ARHGAP32: variants seen among roughly 807,000 people sequenced by gnomAD.
ARHGAP32 encodes the protein rho GTPase-activating protein 32.
A neutral mutation model predicts 186.5 loss-of-function variants in ARHGAP32; 51 were observed. The observed-to-expected ratio is 0.27, with a 90% confidence interval of 0.22 to 0.35. ARHGAP32 has a LOEUF of 0.35. ARHGAP32 is among the 10% of genes least tolerant of loss of function. ARHGAP32 has a pLI of 1.00. For missense variants in ARHGAP32, 2,186 were observed against 2,623.5 expected (o/e 0.83, Z 3.64); for synonymous variants, 950 against 964.3 (o/e 0.99, Z 0.27).
intron 15 of ARHGAP32, among the ~76,000 whole-genome samples, chr11:128,983,482 C>T (rs1179710001): frequency 2.9e-4 from 38 of 130,408 alleles, no homozygotes; most frequent in African/African-American, 9.6e-4. Context: ...CATCACACAC[C>T]GGGGCCTGTT....
At chr11:129,062,380 C>T in intron 9 of ARHGAP32, 23 bp from the exon 10 acceptor site, 1 of 1,598,490 alleles carries the variant, frequency 6.3e-7, no homozygotes, top group Non-Finnish European at 8.6e-7. Flanking sequence ...AAATTTTAAG[C>T]AAAATGGTTT....
chr11:129,175,118 C>A (rs1943885827), intron 1 of ARHGAP32, among the ~76,000 whole-genome samples: 2 of 113,980 alleles, frequency 1.8e-5, no homozygotes, highest in Admixed American at 1.8e-4. Flanking sequence ...GAGCTGAAAA[C>A]CAAGGCTCGA....
At chr11:129,057,292 G>A (rs757376318) in intron 10 of ARHGAP32, among the ~76,000 whole-genome samples, 3 of 152,100 alleles carry the variant, frequency 2.0e-5, no homozygotes, top group Non-Finnish European at 4.4e-5. Context: ...CCCAAGGAGA[G>A]TACTGAGGTC....
intron 11 of ARHGAP32, among the ~76,000 whole-genome samples, chr11:129,027,195 A>T (rs575663470): frequency 6.6e-6 from 1 of 152,134 alleles, no homozygotes; most frequent in Non-Finnish European, 1.5e-5. Flanking sequence ...CCAGAAGCAG[A>T]TCACTTCTCA....
chr11:129,000,554 T>G (rs1380895995), intron 11 of ARHGAP32, among the ~76,000 whole-genome samples: 2 of 152,196 alleles, frequency 1.3e-5, no homozygotes, highest in Non-Finnish European at 2.9e-5. Flanking sequence ...GCATGCAATG[T>G]GTAATAATCA....
At chr11:129,244,021 A>C (rs950307641) in intron 1 of ARHGAP32, among the ~76,000 whole-genome samples, 1 of 152,228 alleles carries the variant, frequency 6.6e-6, no homozygotes, top group African/African-American at 2.4e-5. Context: ...ACCTAATATA[A>C]TGCCTGGCAC....
intron 11 of ARHGAP32, chr11:129,023,963 G>T: frequency 1.0e-6 from 1 of 985,370 alleles, no homozygotes; most frequent in Non-Finnish European, 1.2e-6. Flanking sequence ...TTCCGTACAA[G>T]AGTGTAGAAA....
At chr11:129,198,313 G>A (rs6590365) in intron 1 of ARHGAP32, among the ~76,000 whole-genome samples, 40,543 of 152,082 alleles carry the variant, frequency 0.27, 5,894 homozygotes, top group Middle Eastern at 0.4. Flanking sequence ...AACAAGCTCA[G>A]ACTCAAATAT....
chr11:129,150,791 A>G (rs1943270382), intron 2 of ARHGAP32, among the ~76,000 whole-genome samples: 1 of 152,210 alleles, frequency 6.6e-6, no homozygotes, highest in Admixed American at 6.5e-5. Context: ...CACAGGGCCC[A>G]TAAGACAATA....
chr11:129,234,075 C>T (rs1944893796), intron 1 of ARHGAP32, among the ~76,000 whole-genome samples: 1 of 151,898 alleles, frequency 6.6e-6, no homozygotes, highest in African/African-American at 2.4e-5. Context: ...ATGTTCCTTG[C>T]CGTACTTTCC....
At chr11:129,081,768 G>C (rs116932114) in intron 6 of ARHGAP32, among the ~76,000 whole-genome samples, 112 of 151,716 alleles carry the variant, frequency 7.4e-4, no homozygotes, top group Middle Eastern at 3.4e-3. Context: ...AGACAAGAGA[G>C]TGAAATAAAG....
chr11:129,150,933 T>TA (rs1177863265), intron 2 of ARHGAP32, among the ~76,000 whole-genome samples: 18,302 of 139,260 alleles, frequency 0.13, 1,231 homozygotes, highest in Non-Finnish European at 0.15. Flanking sequence ...CAGAATGAAT[T>TA]AAAAAAAAAA....
intron 5 of ARHGAP32, among the ~76,000 whole-genome samples, chr11:129,094,275 C>A (rs1204062611): frequency 6.6e-6 from 1 of 152,068 alleles, no homozygotes. Context: ...AGGATGGATA[C>A]CCCATTTTCC....
intron 11 of ARHGAP32, among the ~76,000 whole-genome samples, chr11:129,021,457 G>A (rs138267742): frequency 1.6e-4 from 24 of 152,148 alleles, no homozygotes; most frequent in African/African-American, 5.8e-4. Context: ...CTATGCTGCT[G>A]CCCTTCCTAG....
At chr11:129,114,351 C>A (rs1273504950) in intron 5 of ARHGAP32, among the ~76,000 whole-genome samples, 3 of 152,118 alleles carry the variant, frequency 2.0e-5, no homozygotes, top group Non-Finnish European at 4.4e-5. Context: ...TGCCACAGGA[C>A]ATAATCTCTC....
chr11:129,100,456 C>T (rs1337013296), intron 5 of ARHGAP32, among the ~76,000 whole-genome samples: 1 of 152,146 alleles, frequency 6.6e-6, no homozygotes, highest in Non-Finnish European at 1.5e-5. Context: ...TATGACCATG[C>T]ATCAGCCCAG....
chr11:129,127,657 A>C (rs1204244151), intron 2 of ARHGAP32, among the ~76,000 whole-genome samples: 2 of 151,784 alleles, frequency 1.3e-5, no homozygotes, highest in African/African-American at 4.9e-5. Flanking sequence ...AATTATCTTA[A>C]ATTTCTATTG....
chr11:129,087,066 T>C (rs965198697), intron 6 of ARHGAP32, among the ~76,000 whole-genome samples: 1 of 152,200 alleles, frequency 6.6e-6, no homozygotes, highest in Non-Finnish European at 1.5e-5. Context: ...CATATTAGAA[T>C]GGCCAAAATC....
chr11:129,244,019 T>C (rs1945054111), intron 1 of ARHGAP32, among the ~76,000 whole-genome samples: 2 of 152,210 alleles, frequency 1.3e-5, no homozygotes. Context: ...ATACCTAATA[T>C]AATGCCTGGC....
Sources: gnomAD v4.1 joint callset for allele counts (sites outside exome capture counted in the v4.1 genomes callset) on GRCh38, gnomAD v4.1.1 for gene constraint, MANE v1.5 for transcripts, NCBI Gene and HGNC (gene_info 2026-07-23, HGNC 2026-07-21) for gene names.